The following ZBTB43 variants were observed in gnomAD, a reference collection of about 807,000 sequenced individuals.
ZBTB43 encodes zinc finger and BTB domain containing 43.
Under a neutral mutation model 31.1 loss-of-function variants are expected in ZBTB43, and 6 were observed. The ratio of observed to expected loss-of-function variants is 0.19; its 90% confidence interval spans 0.11 to 0.38. ZBTB43 has a LOEUF of 0.38. ZBTB43 is among the 10% of genes least tolerant of loss of function. The pLI, the probability that ZBTB43 is intolerant of heterozygous loss-of-function variation, is 1.00. For missense variants in ZBTB43, 379 were observed against 602.1 expected (o/e 0.63, Z 3.88); for synonymous variants, 212 against 221.7 (o/e 0.96, Z 0.39).
chr9:126,816,241 T>G (rs1350510050), intron 2 of ZBTB43, among the ~76,000 whole-genome samples: 1 of 152,214 alleles, frequency 6.6e-6, no homozygotes, highest in Non-Finnish European at 1.5e-5. Context: ...TTTCTTGTAT[T>G]TTAGTAGAAG....
chr9:126,826,743 C>T (rs1403174444), intron 2 of ZBTB43, among the ~76,000 whole-genome samples: 4 of 152,110 alleles, frequency 2.6e-5, no homozygotes, highest in Non-Finnish European at 4.4e-5. Flanking sequence ...GGATTACAGG[C>T]GTGAGCCACC....
At chr9:126,823,379 C>CT (rs1338876715) in intron 2 of ZBTB43, among the ~76,000 whole-genome samples, 1 of 152,048 alleles carries the variant, frequency 6.6e-6, no homozygotes. Flanking sequence ...CTCTTGTAAC[C>CT]TTTTTTGACT....
In ZBTB43 at chr9:126,832,869, T is replaced by G; in HGVS notation, c.360T>G (p.Thr120=). The change falls in exon 3 of 3, where the codon ACT becomes ACG. Residue 120 remains threonine (T), a synonymous_variant. Coordinates refer to ENST00000373464, the MANE Select transcript of ZBTB43 (RefSeq NM_014007.4). ...LQMWHVVDKC[T]EVLEGNPTVL... ...TGTGGCATGTGGTAGACAAATGCACTGAAGTTTTAGAGGGAAACCCTACAG... is the reference window on the plus strand; with the variant it reads ...TGTGGCATGTGGTAGACAAATGCACGGAAGTTTTAGAGGGAAACCCTACAG... 6.2e-7 allele frequency: 1 copy of G among 1,614,058 alleles called. No individual in the cohort carries two copies. The highest frequency in any genetic ancestry group is 8.5e-7 in the Non-Finnish European group (1 of 1,180,020).
At chr9:126,809,168 A>G (rs1288374770) in intron 2 of ZBTB43, among the ~76,000 whole-genome samples, 1 of 152,132 alleles carries the variant, frequency 6.6e-6, no homozygotes, top group African/African-American at 2.4e-5. Context: ...AAAATGTTAG[A>G]TTTGGAGTTA....
chr9:126,805,514 C>T (rs1044907785), intron 1 of ZBTB43, among the ~76,000 whole-genome samples: 59 of 152,228 alleles, frequency 3.9e-4, no homozygotes, highest in African/African-American at 1.4e-3. Context: ...TGCCTGAGGC[C>T]TGACGAGCCG....
At chr9:126,807,611 CT>C (rs552370997) in intron 1 of ZBTB43, among the ~76,000 whole-genome samples, 115 of 151,618 alleles carry the variant, frequency 7.6e-4, no homozygotes, top group African/African-American at 2.5e-3. Context: ...TTTTCATGAA[CT>C]TTTTTTTTCT....
intron 2 of ZBTB43, among the ~76,000 whole-genome samples, chr9:126,818,087 T>G (rs2032430600): frequency 6.6e-6 from 1 of 151,526 alleles, no homozygotes; most frequent in African/African-American, 2.4e-5. Context: ...CTTTAATTTA[T>G]TTCAGCAGTG....
chr9:126,828,628 TAAA>T, intron 2 of ZBTB43, among the ~76,000 whole-genome samples: 1 of 130,388 alleles, frequency 7.7e-6, no homozygotes, highest in Non-Finnish European at 1.5e-5. Context: ...CCCCCATCTC[TAAA>T]TAATAATAAT....
rs1390613334 is a variant in ZBTB43 at position 126,834,069 on chromosome 9, T to TA, written c.*163dup. On this transcript the variant is annotated 3_prime_UTR_variant, in exon 3 of 3. Transcript: ENST00000373464. ...AAAGACCAGCTCTAAGTAGGCCAAT[T>TA]AAAAAAATCTAATTCCTCAAATTTG... is the stretch of plus-strand genomic sequence containing the variant. 7 of 828,600 alleles carry TA rather than the reference T, an allele frequency of 8.4e-6. No homozygotes were observed. Among genetic ancestry groups the TA allele is most frequent in the Non-Finnish European group, 1.2e-5 (7 of 570,344 alleles). 51.3% of individuals were successfully genotyped at this position (828,600 alleles called of 1,614,324 possible). A position where few individuals can be genotyped will look rare whatever the true frequency, so the allele number is the denominator to read the frequency against.
rs984736251 is a variant in ZBTB43 at position 126,832,715 on chromosome 9, G to A, written c.206G>A (p.Arg69Lys). The A allele has an allele frequency of 6.2e-7, 1 of 1,614,050 alleles. No homozygotes were observed. The highest frequency in any genetic ancestry group is 1.3e-5 in the African/African-American group (1 of 74,918). ...CDQVLLKNSR[R>K]IVLPDVMNPR... ...CAGGTACTCCTGAAAAACAGCAGGA[G>A]AATTGTTTTGCCTGATGTGATGAAC... is the stretch of plus-strand genomic sequence containing the variant. The change falls in exon 3 of 3, where the codon AGA becomes AAA. Residue 69 changes from arginine to lysine, a missense_variant. Coordinates refer to ENST00000373464, the MANE Select transcript of ZBTB43 (RefSeq NM_014007.4).
intron 1 of ZBTB43, among the ~76,000 whole-genome samples, chr9:126,806,977 T>C (rs1181633414): frequency 6.6e-6 from 1 of 152,226 alleles, no homozygotes; most frequent in African/African-American, 2.4e-5. Context: ...ACTCATAAGG[T>C]TGAAAAATAG....
intron 1 of ZBTB43, among the ~76,000 whole-genome samples, chr9:126,808,233 G>A (rs1251838256): frequency 6.6e-6 from 1 of 152,164 alleles, no homozygotes; most frequent in African/African-American, 2.4e-5. Context: ...GAATCTCAGA[G>A]AGTTTGCTGT....
chr9:126,818,977 G>A (rs1416663946), intron 2 of ZBTB43, among the ~76,000 whole-genome samples: 1 of 152,186 alleles, frequency 6.6e-6, no homozygotes, highest in African/African-American at 2.4e-5. Flanking sequence ...TACCAGTGAA[G>A]CCATCAGGTT....
chr9:126,824,944 TGTG>T (rs1434239052), intron 2 of ZBTB43, among the ~76,000 whole-genome samples: 1 of 152,192 alleles, frequency 6.6e-6, no homozygotes, highest in Non-Finnish European at 1.5e-5. Flanking sequence ...ATTTTTCTTT[TGTG>T]GTGGTGGTTG....
At position 126,832,535 on chromosome 9, in the gene ZBTB43, G is replaced by C; in HGVS notation, c.26G>C (p.Arg9Pro). Residue 9 changes from arginine to proline, a missense_variant, in exon 3 of 3, where the codon CGG becomes CCG. Transcript: ENST00000373464. The part of the protein sequence containing the change: MEPGTNSF[R>P]VEFPDFSSTI... ...ATGGAGCCTGGAACAAACTCTTTTCGGGTAGAATTTCCTGATTTTTCCAGC... is the reference window on the plus strand; with the variant it reads ...ATGGAGCCTGGAACAAACTCTTTTCCGGTAGAATTTCCTGATTTTTCCAGC... 6.2e-7 allele frequency: 1 copy of C among 1,608,130 alleles called. No individual in the cohort carries two copies. The highest frequency in any genetic ancestry group is 8.5e-7 in the Non-Finnish European group (1 of 1,175,002).
Position 126,833,024 on chromosome 9 carries a change from G to C in ZBTB43, c.515G>C (p.Arg172Thr). ...GATTTTCCCAAAGCCCAAGAACTGAGAGATGGTGAAAATGAAGAGGAGAGC... is the reference window on the plus strand; with the variant it reads ...GATTTTCCCAAAGCCCAAGAACTGACAGATGGTGAAAATGAAGAGGAGAGC... ...HTDFPKAQEL[R>T]DGENEEESTK... Residue 172 changes from arginine (R) to threonine (T), a missense_variant, in exon 3 of 3, where the codon AGA (arginine) becomes ACA (threonine). Around this residue, in one of 5 missense-constraint regions of ZBTB43, gnomAD observed 253 missense variants for 322.3 expected, o/e 0.79. Coordinates refer to ENST00000373464, the MANE Select transcript of ZBTB43 (RefSeq NM_014007.4). This position sits in a 1 kb window ranked among gnomAD's most constrained non-coding sequence, Gnocchi z 7.9. 1 of 1,613,980 alleles carries C rather than the reference G, an allele frequency of 6.2e-7. No individual in the cohort carries two copies. Among genetic ancestry groups the C allele is most frequent in the Non-Finnish European group, 8.5e-7 (1 of 1,180,034 alleles).
chr9:126,837,854 T>A lies in ZBTB43; in HGVS notation c.*3941T>A, dbSNP rs79638915. 239 of 165,282 alleles carry A rather than the reference T, an allele frequency of 1.4e-3. 2 individuals carry two copies. The highest frequency in any genetic ancestry group is 5.9e-3 in the East Asian group (30 of 5,104). The allele number at this position is 165,282 out of a possible 1,614,324, so 10.2% of individuals were successfully genotyped here. A position where few individuals can be genotyped will look rare whatever the true frequency, so the allele number is the denominator to read the frequency against. ...CAAATGTGACTTTTTTTTTTTTTTT[T>A]AATTTTTGCTTGAAGCCTGTGTCAT... On this transcript the variant is annotated 3_prime_UTR_variant, in exon 3 of 3. Transcript: ENST00000373464.
At chr9:126,814,297 T>A (rs910607106) in intron 2 of ZBTB43, among the ~76,000 whole-genome samples, 20 of 152,200 alleles carry the variant, frequency 1.3e-4, no homozygotes, top group East Asian at 3.9e-4. Context: ...ATCTGTAAAA[T>A]TTTTACAGAT....
At chr9:126,814,358 A>T (rs1269974109) in intron 2 of ZBTB43, among the ~76,000 whole-genome samples, 1 of 127,858 alleles carries the variant, frequency 7.8e-6, no homozygotes, top group Non-Finnish European at 1.7e-5. Flanking sequence ...AATTTTACAG[A>T]TGAAATTTAC....
Sources: gnomAD v4.1 joint callset for allele counts (sites outside exome capture counted in the v4.1 genomes callset) on GRCh38, gnomAD v4.1.1 for gene constraint, gnomAD v4.1.1 regional missense constraint, Gnocchi (gnomAD v3.1) non-coding constraint, MANE v1.5 for transcripts, NCBI Gene and HGNC (gene_info 2026-07-23, HGNC 2026-07-21) for gene names.